Variants in DMD observed in about 807,000 individuals in gnomAD.
The protein encoded by DMD is dystrophin.
In DMD, 63 loss-of-function variants were observed where a neutral mutation model predicts 330.1. That is an observed-to-expected ratio of 0.19 (90% CI 0.16 to 0.24). The LOEUF (loss-of-function observed/expected upper bound fraction) is 0.24. Among genes scored for constraint, DMD ranks in the 10% least tolerant of loss-of-function variants. DMD has a pLI of 1.00. For missense variants in DMD, 3,344 were observed against 2,684.1 expected, an observed-to-expected ratio of 1.25 and a Z score of -5.43; for synonymous variants, 1,223 against 959.8, an observed-to-expected ratio of 1.27 and a Z score of -5.07.
At chrX:31,485,614 A>G (rs1279752483) in intron 57 of DMD, among the ~76,000 whole-genome samples, 1 of 111,485 alleles carries the variant, frequency 9.0e-6, no homozygotes, top group African/African-American at 3.3e-5. Flanking sequence ...TGAGATATTG[A>G]TTTGCTTCAT....
At position 33,334,406 on chromosome X, in the gene DMD, C is replaced by A. The variant is rs1224157628; in HGVS notation, c.7+4853G>T. 7.2e-5 allele frequency among the ~76,000 whole-genome samples: 8 copies of A among 110,919 alleles called. No individual in the cohort carries two copies. The Admixed American group carries it at 7.7e-4, about 11-fold the overall frequency. ...AGTCAATAAGCAAAAAACAAAATTT[C>A]TTTATAGTCTAGAGATGAGGTGAGC... is the stretch of plus-strand genomic sequence containing the variant. On this transcript the variant is annotated intron_variant, in intron 1 of 17. Coordinates refer to the DMD transcript ENST00000288447.
At chrX:32,096,968 G>C (rs761917546) in intron 44 of DMD, among the ~76,000 whole-genome samples, 1 of 111,862 alleles carries the variant, frequency 8.9e-6, no homozygotes, top group East Asian at 2.8e-4. Flanking sequence ...AGTTTGAATG[G>C]CTTCAATAGC....
chrX:31,478,088 CA>C lies in DMD; in HGVS notation c.8937+17del. On this transcript the variant is annotated intron_variant, in intron 59 of 78. Coordinates refer to ENST00000357033, the MANE Select transcript of DMD (RefSeq NM_004006.3). Reference sequence around the variant, plus strand: ...TTGAGTCTCTCAAAGGGCCCTGAAGCAAAGAAGTAGACGGTACCTTGACTTT... The same window carrying C: ...TTGAGTCTCTCAAAGGGCCCTGAAGCAAGAAGTAGACGGTACCTTGACTTT... 1 of 1,208,717 alleles carries C rather than the reference CA, an allele frequency of 8.3e-7. No individual in the cohort carries two copies. The highest frequency in any genetic ancestry group is 1.1e-6 in the Non-Finnish European group (1 of 894,526).
chrX:32,605,447 A>C (rs1342365536), intron 12 of DMD, among the ~76,000 whole-genome samples: 1 of 110,564 alleles, frequency 9.0e-6, no homozygotes, highest in Non-Finnish European at 1.9e-5. Context: ...AAATATAAAA[A>C]TCCTAAAAGA....
Position 32,412,991 on chromosome X carries a change from C to G in DMD, c.4072-1078G>C, listed in dbSNP as rs186874934. Among the ~76,000 whole-genome samples the G allele has an allele frequency of 2.6e-3, 285 of 111,219 alleles. 5 individuals carry two copies. Among genetic ancestry groups the G allele is most frequent in the African/African-American group, 8.0e-3 (245 of 30,621 alleles). Reference sequence around the variant, plus strand: ...ACAGTTAAAGGCATCTAGACTAAGGCAAAAGAACAGGAAGTTTAGTGATGC... The same window carrying G: ...ACAGTTAAAGGCATCTAGACTAAGGGAAAAGAACAGGAAGTTTAGTGATGC... On this transcript the variant is annotated intron_variant, in intron 29 of 78. Transcript: ENST00000357033.
intron 30 of DMD, among the ~76,000 whole-genome samples, chrX:32,409,867 T>C (rs948827821): frequency 9.0e-6 from 1 of 111,406 alleles, no homozygotes. Flanking sequence ...AATTACTCAT[T>C]CCTATCATGC....
At chrX:32,772,608 C>T (rs1793494860) in intron 7 of DMD, among the ~76,000 whole-genome samples, 1 of 111,855 alleles carries the variant, frequency 8.9e-6, no homozygotes, top group South Asian at 3.7e-4. Context: ...AGAGCCTATG[C>T]TCTTTACTCT....
intron 7 of DMD, among the ~76,000 whole-genome samples, chrX:32,734,119 G>C (rs1470748309): frequency 2.8e-5 from 3 of 108,194 alleles, no homozygotes; most frequent in Non-Finnish European, 5.7e-5. Context: ...ACTACCATCA[G>C]AGAATACTAC....
chrX:32,045,105 A>C (rs965878837), intron 44 of DMD, among the ~76,000 whole-genome samples: 2 of 110,899 alleles, frequency 1.8e-5, no homozygotes, highest in Middle Eastern at 4.6e-3. Context: ...GTGTGTGGGC[A>C]TCACCTTCTG....
intron 44 of DMD, among the ~76,000 whole-genome samples, chrX:32,054,088 T>TGAGAGAGAGAGA (rs751524877): frequency 1.4e-4 from 10 of 69,571 alleles, no homozygotes; most frequent in African/African-American, 1.8e-4. Flanking sequence ...TGTGTGTGTG[T>TGAGAGAGAGAGA]GAGAGAGAGA....
chrX:31,504,656 A>G (rs2070752257), intron 56 of DMD, among the ~76,000 whole-genome samples: 2 of 111,595 alleles, frequency 1.8e-5, no homozygotes, highest in African/African-American at 6.5e-5. Flanking sequence ...ATTCTATTCT[A>G]TTTCATAATC....
intron 30 of DMD, among the ~76,000 whole-genome samples, chrX:32,401,820 T>C (rs1161478341): frequency 1.8e-5 from 2 of 112,720 alleles, no homozygotes; most frequent in Non-Finnish European, 3.8e-5. Flanking sequence ...AAATATCTCA[T>C]GTAACGTTTA....
intron 44 of DMD, among the ~76,000 whole-genome samples, chrX:32,121,566 A>G (rs2096634730): frequency 2.0e-5 from 2 of 99,393 alleles, no homozygotes. Context: ...AAGTGGCTAA[A>G]TAACGTTTCC....
intron 2 of DMD, among the ~76,000 whole-genome samples, chrX:33,003,196 C>T (rs967225952): frequency 9.0e-6 from 1 of 110,696 alleles, no homozygotes; most frequent in East Asian, 2.9e-4. Context: ...CATTCTTATG[C>T]CTTTGCATCC....
intron 2 of DMD, among the ~76,000 whole-genome samples, chrX:32,948,113 G>GACACACACACACACACACACACACACAC (rs3083093): frequency 2.1e-4 from 20 of 95,977 alleles, no homozygotes; most frequent in Admixed American, 2.0e-3. Context: ...GAGAGAAACA[G>GACACACACACACACACACACACACACAC]ACACACACAC....
At chrX:31,745,486 A>C (rs1453896037) in intron 51 of DMD, among the ~76,000 whole-genome samples, 1 of 112,053 alleles carries the variant, frequency 8.9e-6, no homozygotes, top group Non-Finnish European at 1.9e-5. Flanking sequence ...CCAAGAAAGA[A>C]ATGGAAAATT....
At chrX:32,612,624 T>G (rs987748033) in intron 12 of DMD, among the ~76,000 whole-genome samples, 1 of 111,051 alleles carries the variant, frequency 9.0e-6, no homozygotes, top group Non-Finnish European at 1.9e-5. Flanking sequence ...GCAGATATAG[T>G]GTCAACGAGA....
intron 61 of DMD, among the ~76,000 whole-genome samples, chrX:31,344,036 G>GT (rs1445379567): frequency 7.2e-5 from 5 of 69,761 alleles, no homozygotes; most frequent in Admixed American, 1.5e-4. Flanking sequence ...AGATTGGAGT[G>GT]CGGGGGGGGG....
chrX:31,313,272 C>T (rs1158328584), intron 62 of DMD, among the ~76,000 whole-genome samples: 1 of 110,285 alleles, frequency 9.1e-6, no homozygotes, highest in Admixed American at 9.7e-5. Context: ...TTTTGTTCCC[C>T]TTTATTGCCC....
Sources: gnomAD v4.1 joint callset for allele counts (sites outside exome capture counted in the v4.1 genomes callset) on GRCh38, gnomAD v4.1.1 for gene constraint, MANE v1.5 for transcripts, NCBI Gene and HGNC (gene_info 2026-07-23, HGNC 2026-07-21) for gene names.